The following TBC1D9B variants were observed in gnomAD, a reference collection of about 807,000 sequenced individuals.
The protein encoded by TBC1D9B is TBC1 domain family, member 9B (with GRAM domain).
In TBC1D9B, 87 loss-of-function variants were observed where a neutral mutation model predicts 121.1. The ratio of observed to expected loss-of-function variants is 0.72; its 90% CI spans 0.60 to 0.86. TBC1D9B has a LOEUF of 0.86. Ranked by LOEUF, TBC1D9B falls within the 40% of genes least tolerant of loss-of-function variation. The pLI, the probability that TBC1D9B is intolerant of heterozygous loss-of-function variation, is 0.00. For missense variants in TBC1D9B, 1,540 were observed against 1,628.6 expected (o/e 0.95, Z 0.94); for synonymous variants, 668 against 670.1 (o/e 1.00, Z 0.05).
intron 9 of TBC1D9B, 131 bp downstream of exon 9, chr5:179,878,916 C>T: frequency 1.5e-6 from 2 of 1,298,876 alleles, no homozygotes; most frequent in African/African-American, 1.5e-5. Flanking sequence ...GCCCGGCTCC[C>T]GGCTGTGTGA....
chr5:179,869,735 G>C (rs771382006), intron 17 of TBC1D9B, 34 bp downstream of exon 17: 4 of 1,609,328 alleles, frequency 2.5e-6, no homozygotes, highest in Non-Finnish European at 3.4e-6. Context: ...ACAAGTGGGA[G>C]ACCCTGGCTG....
chr5:179,900,857 A>C (rs1761147071), intron 2 of TBC1D9B, among the ~76,000 whole-genome samples: 1 of 152,066 alleles, frequency 6.6e-6, no homozygotes, highest in African/African-American at 2.4e-5. Flanking sequence ...GTGACTGTGA[A>C]CCAGACGTCT....
At position 179,875,471 on chromosome 5, in the gene TBC1D9B, A is replaced by G. The variant is rs1760333099; in HGVS notation, c.1901-284T>C. Reference sequence around the variant, plus strand: ...GCATGAGAGGTAAACAGCACCCTCAATGACTCTGTCCCATCCTGATGATTG... The same window carrying G: ...GCATGAGAGGTAAACAGCACCCTCAGTGACTCTGTCCCATCCTGATGATTG... On this transcript the variant is annotated intron_variant, in intron 11 of 20. Transcript: ENST00000355235. The surrounding 1 kb of genome is among the most constrained non-coding windows in gnomAD (Gnocchi z 4.5). 6.6e-6 allele frequency among the ~76,000 whole-genome samples: 1 copy of G among 152,234 alleles called. No individual in the cohort carries two copies. The highest frequency in any genetic ancestry group is 1.5e-5 in the Non-Finnish European group (1 of 68,034).
At chr5:179,872,740 T>C (rs1760238916) in intron 14 of TBC1D9B, 152 bp downstream of exon 14, 3 of 702,484 alleles carry the variant, frequency 4.3e-6, no homozygotes, top group Non-Finnish European at 7.1e-6. Flanking sequence ...CCTACACCCC[T>C]GGATCCCGGT....
At chr5:179,877,149 C>G (rs1006358085) in intron 10 of TBC1D9B, among the ~76,000 whole-genome samples, 3 of 147,506 alleles carry the variant, frequency 2.0e-5, no homozygotes, top group Admixed American at 1.4e-4. Context: ...CTTTGAGAGG[C>G]TGAGGCGGAA....
chr5:179,873,201 G>A lies in TBC1D9B; in HGVS notation c.2234C>T (p.Pro745Leu), dbSNP rs574944861. 3.0e-5 allele frequency: 48 copies of A among 1,613,150 alleles called. No homozygotes were observed. Among genetic ancestry groups the A allele is most frequent in the Admixed American group, 1.2e-4 (7 of 59,904 alleles). ...VNKQSVSPPI[P>L]HLRALLSSSD... ...GCTGCTCAGCAAGGCACGGAGGTGC[G>A]GGATAGGAGGAGAGACACTCTGCTT... The change falls in exon 13 of 21, where the codon CCG (proline) becomes CTG (leucine). Residue 745 changes from proline to leucine, a missense_variant. Pro to Leu is a moderately conservative substitution (Grantham distance 98, BLOSUM62 -3). Coordinates refer to ENST00000355235, the MANE Select transcript of TBC1D9B (RefSeq NM_015043.4).
chr5:179,882,744 C>T (rs756751914), intron 7 of TBC1D9B, among the ~76,000 whole-genome samples: 22 of 152,194 alleles, frequency 1.4e-4, no homozygotes, highest in South Asian at 4.1e-4. Context: ...CAGCTACTCA[C>T]GGGCCTGAGG....
intron 14 of TBC1D9B, 44 bp downstream of exon 14, chr5:179,872,848 G>GCCCCCCCACCCCCCCCCCCCC: frequency 4.8e-6 from 7 of 1,457,226 alleles, no homozygotes; most frequent in African/African-American, 1.5e-5. Context: ...AGGCACTGCT[G>GCCCCCCCACCCCCCCCCCCCC]CCCCCCCAGC....
intron 5 of TBC1D9B, among the ~76,000 whole-genome samples, chr5:179,892,410 G>C (rs1483494697): frequency 6.6e-6 from 1 of 152,250 alleles, no homozygotes; most frequent in Non-Finnish European, 1.5e-5. Context: ...TGGCCTGGCT[G>C]GAATGAGGTC....
At position 179,890,030 on chromosome 5, in the gene TBC1D9B, T is replaced by C. The variant is rs1031242389; in HGVS notation, c.1044+1349A>G. Reference sequence around the variant, plus strand: ...ACATGCTGTAGGGAGGAGGGAGAGGTCGGAATCTAGGCCGATACGTGGCTT... The same window carrying C: ...ACATGCTGTAGGGAGGAGGGAGAGGCCGGAATCTAGGCCGATACGTGGCTT... On this transcript the variant is annotated intron_variant, in intron 6 of 20. Transcript: ENST00000355235. The surrounding 1 kb of genome is among the most constrained non-coding windows in gnomAD (Gnocchi z 5.0). 6.7e-6 allele frequency among the ~76,000 whole-genome samples: 1 copy of C among 149,912 alleles called. No homozygotes were observed. Among genetic ancestry groups the C allele is most frequent in the Non-Finnish European group, 1.5e-5 (1 of 67,412 alleles).
rs556178501 is a variant in TBC1D9B, at chr5:179,886,435, G to A, written c.1254+1668C>T. On this transcript the variant is annotated intron_variant, in intron 7 of 20. Coordinates refer to ENST00000355235, the MANE Select transcript of TBC1D9B (RefSeq NM_015043.4). Reference sequence around the variant, plus strand: ...GGAAGTGTGGGGCCTCATGGAGGCAGAGGAGGCTCGACCACCCTGTTCACT... The same window carrying A: ...GGAAGTGTGGGGCCTCATGGAGGCAAAGGAGGCTCGACCACCCTGTTCACT... 4.6e-5 allele frequency among the ~76,000 whole-genome samples: 7 copies of A among 152,138 alleles called. No homozygotes were observed. The South Asian group carries it at 1.4e-3, about 31-fold the overall frequency.
At chr5:179,870,994 C>A (rs1050354579) in intron 15 of TBC1D9B, among the ~76,000 whole-genome samples, 1 of 152,170 alleles carries the variant, frequency 6.6e-6, no homozygotes, top group Non-Finnish European at 1.5e-5. Context: ...GCTAAAAGCA[C>A]AAGGGAAAGA....
chr5:179,888,142 G>T lies in TBC1D9B; in HGVS notation c.1215C>A (p.Ile405=). 1 of 1,613,836 alleles carries T rather than the reference G, an allele frequency of 6.2e-7. No homozygotes were observed. The highest frequency in any genetic ancestry group is 8.5e-7 in the Non-Finnish European group (1 of 1,179,940). Reference sequence around the variant, plus strand: ...CCACAACACTGGCTTTCCTGCTCCCGATACTGCCTGGCTGCTTGGATGGTG... The same window carrying T: ...CCACAACACTGGCTTTCCTGCTCCCTATACTGCCTGGCTGCTTGGATGGTG... ...QKTPSKQPGS[I]GSRKASVVDP... is the part of the protein sequence containing the mutation. The change falls in exon 7 of 21, where the codon ATC becomes ATA. Residue 405 remains isoleucine, a synonymous_variant. Transcript: ENST00000355235.
In TBC1D9B at chr5:179,865,284, C is replaced by T. The variant is rs201069565; in HGVS notation, c.2991G>A (p.Glu997=). The change falls in exon 20 of 21, where the codon GAG becomes GAA. Residue 997 remains glutamate (E), a synonymous_variant. Coordinates refer to ENST00000355235, the MANE Select transcript of TBC1D9B (RefSeq NM_015043.4). The surrounding 1 kb of genome is among the most constrained non-coding windows in gnomAD (Gnocchi z 5.1). ...TCATCTTGGGAAGATCCTTAATCGT[C>T]TCCTTCTGAGCCTCTTTCTCCTTGG... ...MWAKEKEAQK[E]TIKDLPKMNQ... 6.2e-7 allele frequency: 1 copy of T among 1,614,192 alleles called. No individual in the cohort carries two copies. Among genetic ancestry groups the T allele is most frequent in the Admixed American group, 1.7e-5 (1 of 60,036 alleles).
At chr5:179,864,331 C>G (rs1283216932) in intron 20 of TBC1D9B, among the ~76,000 whole-genome samples, 1 of 152,210 alleles carries the variant, frequency 6.6e-6, no homozygotes, top group Non-Finnish European at 1.5e-5. Flanking sequence ...AGGCTTTCCC[C>G]TCCAGCTGCC....
intron 3 of TBC1D9B, among the ~76,000 whole-genome samples, chr5:179,895,453 G>T (rs1381586845): frequency 1.3e-5 from 2 of 152,018 alleles, no homozygotes; most frequent in Admixed American, 1.3e-4. Context: ...CCTGCACTTG[G>T]CCCCCTGTAT....
chr5:179,871,582 A>G, intron 14 of TBC1D9B, 52 bp from the exon 15 acceptor site: 1 of 1,586,318 alleles, frequency 6.3e-7, no homozygotes, highest in Non-Finnish European at 8.6e-7. Flanking sequence ...CTCCTGGCAC[A>G]GAAGTACGGC....
Position 179,863,247 on chromosome 5 carries a change from C to A in TBC1D9B, c.*201G>T, listed in dbSNP as rs990954153. On this transcript the variant is annotated 3_prime_UTR_variant, in exon 21 of 21. Coordinates refer to ENST00000355235, the MANE Select transcript of TBC1D9B (RefSeq NM_015043.4). This position sits in a 1 kb window ranked among gnomAD's most constrained non-coding sequence, Gnocchi z 4.5. ...GCCTCTTCCTGGGCCCAGAAGCAGC[C>A]GGCGCCAGGAGATGCAGGCCCAGGG... 1 of 617,006 alleles carries A rather than the reference C, an allele frequency of 1.6e-6. No individual in the cohort carries two copies. The highest frequency in any genetic ancestry group is 2.9e-5 in the East Asian group (1 of 34,348). The allele number at this position is 617,006 out of a possible 1,614,324, so 38.2% of individuals were successfully genotyped here.
intron 18 of TBC1D9B, 183 bp downstream of exon 18, chr5:179,867,595 A>C (rs1760052801): frequency 4.0e-6 from 6 of 1,506,392 alleles, no homozygotes; most frequent in Non-Finnish European, 5.4e-6. Flanking sequence ...GGACATCCAC[A>C]GGGGGCGGCC....
Sources: gnomAD v4.1 joint callset for allele counts (sites outside exome capture counted in the v4.1 genomes callset) on GRCh38, gnomAD v4.1.1 for gene constraint, Gnocchi (gnomAD v3.1) non-coding constraint, MANE v1.5 for transcripts, NCBI Gene and HGNC (gene_info 2026-07-23, HGNC 2026-07-21) for gene names.